The following DTNB variants were observed in gnomAD, a reference collection of about 807,000 sequenced individuals.
The protein encoded by DTNB is dystrobrevin beta, also known as DTN-B.
In DTNB, 63 loss-of-function variants were observed where a neutral mutation model predicts 90.7. The ratio of observed to expected loss-of-function variants is 0.69; its 90% confidence interval spans 0.57 to 0.86. DTNB has a LOEUF of 0.86. DTNB is among the 40% of genes least tolerant of loss of function. The probability of loss-of-function intolerance (pLI) is 0.00; values close to 1 mark genes in which losing one functional copy is unlikely to be tolerated. For missense variants in DTNB, 744 were observed against 807.1 expected, an observed-to-expected ratio of 0.92 and a Z score of 0.95; for synonymous variants, 277 against 286.7, an observed-to-expected ratio of 0.97 and a Z score of 0.34.
At chr2:25,465,764 T>G (rs2150247769) in intron 10 of DTNB, among the ~76,000 whole-genome samples, 1 of 152,238 alleles carries the variant, frequency 6.6e-6, no homozygotes, top group East Asian at 1.9e-4. Context: ...CTCCGGAGGG[T>G]CCTTCCCTGA....
rs2039838919 is a variant in DTNB, at chr2:25,387,516, C to T, written c.1736-138G>A. 2 of 710,646 alleles carry T rather than the reference C, an allele frequency of 2.8e-6. No homozygotes were observed. Among genetic ancestry groups the T allele is most frequent in the Admixed American group, 2.6e-5 (1 of 38,686 alleles). 44.0% of individuals were successfully genotyped at this position (710,646 alleles called of 1,614,324 possible). A position where few individuals can be genotyped will look rare whatever the true frequency, so the allele number is the denominator to read the frequency against. On this transcript the variant is annotated intron_variant, in intron 17 of 20. Coordinates refer to ENST00000406818, the MANE Select transcript of DTNB (RefSeq NM_021907.5). This position sits in a 1 kb window ranked among gnomAD's most constrained non-coding sequence, Gnocchi z 4.5. ...AGGGGAGATGGGGCCACAGCAGCTCCACCCATTCCCAGGCACACCGGGGGC... is the reference window on the plus strand; with the variant it reads ...AGGGGAGATGGGGCCACAGCAGCTCTACCCATTCCCAGGCACACCGGGGGC...
chr2:25,513,853 T>TA (rs2074457631), intron 9 of DTNB, among the ~76,000 whole-genome samples: 1 of 151,822 alleles, frequency 6.6e-6, no homozygotes, highest in Admixed American at 6.6e-5. Context: ...CTACTATTAG[T>TA]AAGTCATGAA....
chr2:25,412,375 A>C (rs1317341861), intron 16 of DTNB, among the ~76,000 whole-genome samples: 1 of 152,196 alleles, frequency 6.6e-6, no homozygotes, highest in African/African-American at 2.4e-5. Flanking sequence ...GAAAGGTCCC[A>C]AGTGTGGCAA....
At chr2:25,489,053 T>C (rs1261901590) in intron 9 of DTNB, among the ~76,000 whole-genome samples, 1 of 152,196 alleles carries the variant, frequency 6.6e-6, no homozygotes, top group Non-Finnish European at 1.5e-5. Flanking sequence ...AGGTTCTGGT[T>C]ATTGGGGAGA....
chr2:25,498,847 C>CAAAAAAAAA (rs34017287), intron 9 of DTNB, among the ~76,000 whole-genome samples: 3 of 65,016 alleles, frequency 4.6e-5, no homozygotes, highest in Admixed American at 2.1e-4. Context: ...AACCCTGTCT[C>CAAAAAAAAA]AAAAAAAAAA....
At chr2:25,592,060 C>CAAAAA (rs1162292627) in intron 6 of DTNB, among the ~76,000 whole-genome samples, 2 of 48,998 alleles carry the variant, frequency 4.1e-5, no homozygotes, top group Admixed American at 2.1e-4. Flanking sequence ...GACTCCATCT[C>CAAAAA]AAAAAAAAAA....
intron 16 of DTNB, among the ~76,000 whole-genome samples, chr2:25,414,981 T>C (rs541739292): frequency 1.3e-5 from 2 of 152,180 alleles, no homozygotes; most frequent in Admixed American, 6.5e-5. Context: ...CCCTCCATTA[T>C]AACCCTTAGA....
intron 1 of DTNB, among the ~76,000 whole-genome samples, chr2:25,659,922 C>G (rs1217136357): frequency 6.6e-6 from 1 of 152,134 alleles, no homozygotes; most frequent in Admixed American, 6.5e-5. Context: ...AACCAATGTT[C>G]ATGAACATTG....
intron 9 of DTNB, among the ~76,000 whole-genome samples, chr2:25,496,085 T>C (rs528054739): frequency 4.0e-5 from 6 of 151,114 alleles, no homozygotes; most frequent in East Asian, 1.9e-4. Flanking sequence ...AAGCCAAATA[T>C]CTCTCTAGCT....
chr2:25,428,459 G>T (rs1386243752), intron 14 of DTNB, among the ~76,000 whole-genome samples: 1 of 147,612 alleles, frequency 6.8e-6, no homozygotes, highest in Non-Finnish European at 1.5e-5. Flanking sequence ...TTGTGACGGA[G>T]TCTCACTCTG....
At chr2:25,600,797 T>C (rs918454991) in intron 5 of DTNB, among the ~76,000 whole-genome samples, 1 of 152,206 alleles carries the variant, frequency 6.6e-6, no homozygotes, top group Admixed American at 6.5e-5. Flanking sequence ...GACTGGATAG[T>C]AAAATGACTA....
At chr2:25,499,788 A>G (rs2070020723) in intron 9 of DTNB, among the ~76,000 whole-genome samples, 2 of 152,228 alleles carry the variant, frequency 1.3e-5, no homozygotes, top group Non-Finnish European at 2.9e-5. Context: ...TGCATTCACA[A>G]TGTGTACTGA....
chr2:25,517,174 G>A (rs1377110092), intron 9 of DTNB, among the ~76,000 whole-genome samples: 1 of 152,170 alleles, frequency 6.6e-6, no homozygotes, highest in Non-Finnish European at 1.5e-5. Flanking sequence ...AAAATATTAT[G>A]CTAAATGAAA....
At chr2:25,583,262 A>AAAAT (rs1553562291) in intron 6 of DTNB, among the ~76,000 whole-genome samples, 1 of 137,492 alleles carries the variant, frequency 7.3e-6, no homozygotes, top group East Asian at 2.1e-4. Flanking sequence ...AAAAAAAAAA[A>AAAAT]ATATATATAT....
intron 8 of DTNB, among the ~76,000 whole-genome samples, chr2:25,571,053 C>T (rs2059791364): frequency 6.6e-6 from 1 of 152,208 alleles, no homozygotes; most frequent in Admixed American, 6.5e-5. Flanking sequence ...TGCTCTCCAT[C>T]CACAGCATTC....
chr2:25,453,148 C>G (rs768587932), intron 11 of DTNB, among the ~76,000 whole-genome samples: 1 of 152,236 alleles, frequency 6.6e-6, no homozygotes, highest in African/African-American at 2.4e-5. Context: ...CCTCTGTTAT[C>G]TGGCAAGGGA....
At chr2:25,446,647 C>T (rs2058472471) in intron 12 of DTNB, among the ~76,000 whole-genome samples, 1 of 151,910 alleles carries the variant, frequency 6.6e-6, no homozygotes, top group African/African-American at 2.4e-5. Context: ...GATAAAGTAA[C>T]GTCTTATGTG....
chr2:25,560,898 G>A (rs2058159853), intron 8 of DTNB, among the ~76,000 whole-genome samples: 5 of 152,094 alleles, frequency 3.3e-5, no homozygotes, highest in Admixed American at 3.3e-4. Flanking sequence ...GGCCTCCACA[G>A]GAAGCTAATA....
intron 16 of DTNB, among the ~76,000 whole-genome samples, chr2:25,410,934 C>CTTTTT (rs34571788): frequency 2.3e-5 from 3 of 132,494 alleles, no homozygotes; most frequent in Non-Finnish European, 3.2e-5. Flanking sequence ...ACTGCCTTTT[C>CTTTTT]TTTTTTTTTT....
Sources: allele counts gnomAD v4.1 joint callset (sites outside exome capture counted in the v4.1 genomes callset), GRCh38; gene constraint gnomAD v4.1.1; non-coding constraint Gnocchi (gnomAD v3.1); transcripts MANE v1.5; gene names NCBI Gene and HGNC (gene_info 2026-07-23, HGNC 2026-07-21).